Variants in DIP2C observed in about 807,000 individuals in gnomAD.
DIP2C encodes DIP2 acetate--CoA ligase C (putative).
Under a neutral mutation model 192.4 loss-of-function variants are expected in DIP2C, and 33 were observed. The ratio of observed to expected loss-of-function variants is 0.17; its 90% CI spans 0.13 to 0.23. The LOEUF is 0.23. Ranked by LOEUF, DIP2C falls within the 10% of genes least tolerant of loss-of-function variation. The pLI is 1.00. For missense variants in DIP2C, 1,537 were observed against 2,110.1 expected (o/e 0.73, Z 5.32); for synonymous variants, 979 against 864.1 (o/e 1.13, Z -2.33).
chr10:355,546 T>C (rs1959041346), intron 24 of DIP2C, among the ~76,000 whole-genome samples: 1 of 152,254 alleles, frequency 6.6e-6, no homozygotes, highest in Non-Finnish European at 1.5e-5. Context: ...TCTTCCATTT[T>C]TCAAGCTTTA....
At chr10:561,342 G>A (rs1395502809) in intron 1 of DIP2C, among the ~76,000 whole-genome samples, 1 of 152,170 alleles carries the variant, frequency 6.6e-6, no homozygotes, top group South Asian at 2.1e-4. Context: ...CCCACTGTAC[G>A]AGAAGTCTCT....
At chr10:389,612 C>A (rs770483689) in intron 13 of DIP2C, among the ~76,000 whole-genome samples, 2 of 152,182 alleles carry the variant, frequency 1.3e-5, no homozygotes, top group Non-Finnish European at 2.9e-5. Context: ...CAGGCCCCGG[C>A]GTGGCTGTGT....
At chr10:635,857 G>T (rs1277439512) in intron 1 of DIP2C, among the ~76,000 whole-genome samples, 3 of 152,304 alleles carry the variant, frequency 2.0e-5, no homozygotes, top group Non-Finnish European at 2.9e-5. Context: ...ACCGGCCCAG[G>T]GGAAGTTACT....
intron 28 of DIP2C, 22 bp downstream of exon 28, chr10:344,787 C>T (rs375174104): frequency 1.3e-5 from 21 of 1,561,174 alleles, no homozygotes; most frequent in Non-Finnish European, 1.6e-5. Flanking sequence ...CCATGGCCAC[C>T]GCCCGCAGCC....
chr10:304,421 G>A (rs1253627480), intron 32 of DIP2C, among the ~76,000 whole-genome samples: 4 of 152,068 alleles, frequency 2.6e-5, no homozygotes, highest in East Asian at 3.9e-4. Context: ...AAAGGGACAC[G>A]AGCTCCACAG....
rs771351041 is a variant in DIP2C at position 603,429 on chromosome 10, C to CTG, written c.85+86063_85+86064dup. Among the ~76,000 whole-genome samples, 22 of 150,082 alleles carry CTG rather than the reference C, an allele frequency of 1.5e-4. 1 individual carries two copies. The South Asian group carries it at 4.4e-3, about 30-fold the overall frequency. The stretch of plus-strand genomic sequence containing the variant: ...GTCGCCTAACACTGACTCAGGACCT[C>CTG]TGTCTCTGATGTGCTTGAAGTTTTA... On this transcript the variant is annotated intron_variant, in intron 1 of 36. Coordinates refer to ENST00000280886, the MANE Select transcript of DIP2C (RefSeq NM_014974.3).
In DIP2C at chr10:422,978, G is replaced by T; in HGVS notation, c.450C>A (p.Thr150=). The T allele has an allele frequency of 6.2e-7, 1 of 1,614,128 alleles. No homozygotes were observed. Among genetic ancestry groups the T allele is most frequent in the Non-Finnish European group, 8.5e-7 (1 of 1,179,996 alleles). ...TGATGCTGCCCTGGCTGGAGGTGGG[G>T]GTGCCCTGGGAGTCCCCCTGCACTG... ...EGSVQGDSQG[T]PTSSQGSINM... The change falls in exon 5 of 37, where the codon ACC becomes ACA. Residue 150 remains threonine, a synonymous_variant. Transcript: ENST00000280886.
intron 1 of DIP2C, among the ~76,000 whole-genome samples, chr10:661,676 G>A (rs944680665): frequency 2.0e-5 from 3 of 152,110 alleles, no homozygotes; most frequent in African/African-American, 7.2e-5. Context: ...TCCAAATGTG[G>A]GCTTTCCTTT....
chr10:630,676 T>TG (rs1304002605), intron 1 of DIP2C: 1 of 152,268 alleles, frequency 6.6e-6, no homozygotes, highest in Non-Finnish European at 1.5e-5. Context: ...CCCGGGGCCG[T>TG]GCTAGTGCAG....
chr10:341,162 A>C, intron 29 of DIP2C, 37 bp downstream of exon 29: 11 of 1,612,206 alleles, frequency 6.8e-6, no homozygotes, highest in Non-Finnish European at 9.3e-6. Context: ...AAGGTGCATG[A>C]TTTTTTTTAA....
chr10:435,955 C>A (rs1463141068), intron 4 of DIP2C, among the ~76,000 whole-genome samples: 3 of 150,750 alleles, frequency 2.0e-5, no homozygotes, highest in Non-Finnish European at 4.4e-5. Flanking sequence ...TACTTTGTAG[C>A]CTCATATATA....
chr10:549,299 G>A (rs564616922), intron 1 of DIP2C, among the ~76,000 whole-genome samples: 1 of 152,164 alleles, frequency 6.6e-6, no homozygotes, highest in East Asian at 1.9e-4. Flanking sequence ...CCACAAGTAA[G>A]CTATGTCTCA....
intron 14 of DIP2C, 30 bp from the exon 15 acceptor site, chr10:384,669 A>G: frequency 6.2e-7 from 1 of 1,609,190 alleles, no homozygotes; most frequent in Non-Finnish European, 8.5e-7. Flanking sequence ...ACGCAGGGTG[A>G]GCATGGAGGG....
At chr10:357,768 GGTCGGGGACA>G in intron 23 of DIP2C, 50 bp downstream of exon 23, 1 of 1,319,092 alleles carries the variant, frequency 7.6e-7, no homozygotes, top group Non-Finnish European at 1.1e-6. Context: ...GGTCGCAGAT[GGTCGGGGACA>G]GTCGGAAAAG....
chr10:524,460 T>C (rs1846926929), intron 1 of DIP2C, among the ~76,000 whole-genome samples: 1 of 152,204 alleles, frequency 6.6e-6, no homozygotes, highest in Non-Finnish European at 1.5e-5. Flanking sequence ...TGTAAATATA[T>C]ACATGCTTAT....
rs1332096047 is a variant in DIP2C, at chr10:480,855, C to A, written c.157+5604G>T. Among the ~76,000 whole-genome samples the A allele has an allele frequency of 5.3e-5, 8 of 152,346 alleles. No individual in the cohort carries two copies. In the South Asian group the frequency reaches 1.2e-3, roughly 24 times the overall value. Reference sequence around the variant, plus strand: ...GCTGATCTGGAACACAGGTGATTCACCTGTCACTACAGCAACGCGGTCTAG... The same window carrying A: ...GCTGATCTGGAACACAGGTGATTCAACTGTCACTACAGCAACGCGGTCTAG... On this transcript the variant is annotated intron_variant, in intron 2 of 36. Transcript: ENST00000280886.
intron 1 of DIP2C, among the ~76,000 whole-genome samples, chr10:599,171 G>A (rs1354257764): frequency 6.6e-6 from 1 of 152,136 alleles, no homozygotes; most frequent in Non-Finnish European, 1.5e-5. Context: ...GCAGAATAAT[G>A]CCATTTCCCC....
At chr10:493,789 A>G (rs1459336482) in intron 1 of DIP2C, among the ~76,000 whole-genome samples, 1 of 152,256 alleles carries the variant, frequency 6.6e-6, no homozygotes, top group Non-Finnish European at 1.5e-5. Context: ...CAACTATGTC[A>G]TTTAAACACT....
chr10:351,221 G>C (rs4242756), intron 24 of DIP2C, among the ~76,000 whole-genome samples: 1 of 152,278 alleles, frequency 6.6e-6, no homozygotes, highest in East Asian at 1.9e-4. Flanking sequence ...ATTCATCGGC[G>C]ATGCTGGGAA....
Sources: allele counts gnomAD v4.1 joint callset (sites outside exome capture counted in the v4.1 genomes callset), GRCh38; gene constraint gnomAD v4.1.1; transcripts MANE v1.5; gene names NCBI Gene and HGNC (gene_info 2026-07-23, HGNC 2026-07-21).